Variants in TRHDE observed in about 807,000 individuals in gnomAD.
The protein encoded by TRHDE is thyrotropin releasing hormone degrading enzyme, also known as thyrotropin-releasing hormone-degrading ectoenzyme.
TRHDE carries 72 observed loss-of-function variants against 125.7 expected under a neutral mutation model. The ratio of observed to expected loss-of-function variants is 0.57; its 90% CI spans 0.47 to 0.70. The LOEUF (loss-of-function observed/expected upper bound fraction) is 0.70, where lower values mean the gene tolerates loss of function less well. TRHDE is among the 30% of genes least tolerant of loss of function. The probability of loss-of-function intolerance (pLI) is 0.00; values close to 1 mark genes in which losing one functional copy is unlikely to be tolerated. For missense variants in TRHDE, 1,110 were observed against 1,327.1 expected (o/e 0.84, Z 2.54); for synonymous variants, 509 against 509.1 (o/e 1.00, Z 0.00).
intron 7 of TRHDE, 91 bp downstream of exon 7, chr12:72,542,447 T>G: frequency 9.3e-7 from 1 of 1,076,188 alleles, no homozygotes; most frequent in Non-Finnish European, 1.3e-6. Context: ...TTGCTGAACT[T>G]GGTGGAAAAC....
At chr12:72,428,031 C>T (rs563080644) in intron 3 of TRHDE, among the ~76,000 whole-genome samples, 41 of 152,196 alleles carry the variant, frequency 2.7e-4, no homozygotes, top group Non-Finnish European at 4.7e-4. Flanking sequence ...ACTCAGACAA[C>T]ATAGAACAAA....
chr12:72,182,939 T>C (rs988081936), intron 2 of TRHDE, among the ~76,000 whole-genome samples: 50 of 152,206 alleles, frequency 3.3e-4, no homozygotes, highest in African/African-American at 1.2e-3. Context: ...TAAGACAATG[T>C]TATGGGGGAA....
At chr12:72,519,338 T>C (rs568384716) in intron 6 of TRHDE, among the ~76,000 whole-genome samples, 99 of 152,338 alleles carry the variant, frequency 6.5e-4, no homozygotes, top group African/African-American at 2.0e-3. Context: ...GCGGCTTTAC[T>C]CATTTCTTTT....
At chr12:72,311,077 C>G (rs552869734) in intron 2 of TRHDE, among the ~76,000 whole-genome samples, 2 of 152,046 alleles carry the variant, frequency 1.3e-5, no homozygotes, top group African/African-American at 4.8e-5. Context: ...AGGATTTTGA[C>G]AAATGCATAT....
At chr12:72,491,559 T>C (rs894913571) in intron 5 of TRHDE, among the ~76,000 whole-genome samples, 3 of 151,898 alleles carry the variant, frequency 2.0e-5, no homozygotes, top group East Asian at 3.9e-4. Flanking sequence ...AAATGAGACA[T>C]GACGCATTCA....
At chr12:72,554,567 G>A (rs934038963) in intron 7 of TRHDE, among the ~76,000 whole-genome samples, 12 of 152,200 alleles carry the variant, frequency 7.9e-5, no homozygotes, top group Admixed American at 6.5e-4. Flanking sequence ...AGGGAACTCT[G>A]TGTACATGCC....
chr12:72,345,795 TC>T (rs1197804037), intron 2 of TRHDE, among the ~76,000 whole-genome samples: 3 of 151,992 alleles, frequency 2.0e-5, no homozygotes, highest in African/African-American at 7.2e-5. Flanking sequence ...AAAGAGAGAT[TC>T]TTCAAAGCCC....
intron 3 of TRHDE, among the ~76,000 whole-genome samples, chr12:72,454,535 G>A (rs899707402): frequency 6.6e-6 from 1 of 151,996 alleles, no homozygotes; most frequent in Non-Finnish European, 1.5e-5. Flanking sequence ...ATTGAATACT[G>A]AAAAAGCTTA....
chr12:72,130,007 A>G (rs1168906812), intron 2 of TRHDE, among the ~76,000 whole-genome samples: 1 of 152,222 alleles, frequency 6.6e-6, no homozygotes, highest in East Asian at 1.9e-4. Flanking sequence ...AACATGTTAA[A>G]GATTACGTTT....
chr12:72,449,491 T>C (rs996410170), intron 3 of TRHDE, among the ~76,000 whole-genome samples: 5 of 140,708 alleles, frequency 3.6e-5, no homozygotes, highest in Admixed American at 6.8e-5. Context: ...TTCAAAAAGC[T>C]TTTTAAAACA....
At chr12:72,525,951 G>A (rs892152638) in intron 6 of TRHDE, among the ~76,000 whole-genome samples, 10 of 151,710 alleles carry the variant, frequency 6.6e-5, no homozygotes, top group African/African-American at 1.2e-4. Context: ...TTTCCCCTGC[G>A]GTCGTTATTT....
chr12:72,157,367 T>C (rs892216287), intron 2 of TRHDE, among the ~76,000 whole-genome samples: 1 of 152,126 alleles, frequency 6.6e-6, no homozygotes, highest in Non-Finnish European at 1.5e-5. Context: ...ATCTCATGTG[T>C]TTTAGGAAGA....
chr12:72,539,168 T>G (rs1869019263), intron 6 of TRHDE, among the ~76,000 whole-genome samples: 1 of 151,922 alleles, frequency 6.6e-6, no homozygotes, highest in African/African-American at 2.4e-5. Context: ...CCTCCAGATA[T>G]AACCTCTCCC....
chr12:72,265,044 C>G (rs1879034589), intron 2 of TRHDE, among the ~76,000 whole-genome samples: 1 of 150,532 alleles, frequency 6.6e-6, no homozygotes, highest in East Asian at 1.9e-4. Flanking sequence ...ATACAGACTC[C>G]ATGATTATTA....
At chr12:72,520,744 T>A (rs914671975) in intron 6 of TRHDE, among the ~76,000 whole-genome samples, 1 of 152,210 alleles carries the variant, frequency 6.6e-6, no homozygotes, top group African/African-American at 2.4e-5. Flanking sequence ...GTGACATCTT[T>A]TTTAGAAATG....
At chr12:72,510,275 C>T (rs1216424595) in intron 6 of TRHDE, among the ~76,000 whole-genome samples, 2 of 152,080 alleles carry the variant, frequency 1.3e-5, no homozygotes, top group Non-Finnish European at 2.9e-5. Flanking sequence ...TTGTGATACT[C>T]TTTAGATATT....
At chr12:72,145,230 G>A (rs550720115) in intron 2 of TRHDE, among the ~76,000 whole-genome samples, 13 of 152,136 alleles carry the variant, frequency 8.5e-5, no homozygotes, top group East Asian at 3.9e-4. Context: ...TATGCCCTTC[G>A]GACAATTTCC....
intron 3 of TRHDE, among the ~76,000 whole-genome samples, chr12:72,387,565 G>C (rs1738146960): frequency 6.6e-6 from 1 of 152,128 alleles, no homozygotes; most frequent in Non-Finnish European, 1.5e-5. Flanking sequence ...TGATTCTGCT[G>C]TTCAAACATT....
chr12:72,473,563 CA>C (rs1876749416), intron 5 of TRHDE, among the ~76,000 whole-genome samples: 1 of 151,704 alleles, frequency 6.6e-6, no homozygotes, highest in Admixed American at 6.6e-5. Context: ...AGATAAAACA[CA>C]AAAAATACCT....
Sources: allele counts gnomAD v4.1 joint callset (sites outside exome capture counted in the v4.1 genomes callset), GRCh38; gene constraint gnomAD v4.1.1; transcripts MANE v1.5; gene names NCBI Gene and HGNC (gene_info 2026-07-23, HGNC 2026-07-21).